The following PTPRD variants were observed in gnomAD, a reference collection of about 807,000 sequenced individuals.
PTPRD encodes protein tyrosine phosphatase receptor type D.
Under a neutral mutation model 214.5 loss-of-function variants are expected in PTPRD, and 34 were observed. The observed-to-expected ratio is 0.16, with a 90% CI of 0.12 to 0.21. The LOEUF is 0.21. Among genes scored for constraint, PTPRD ranks in the 10% least tolerant of loss-of-function variants. PTPRD has a pLI of 1.00. For synonymous variants in PTPRD, 1,128 were observed against 845.7 expected, an observed-to-expected ratio of 1.33 and a Z score of -5.79; for missense variants, 2,545 against 2,398.7, an observed-to-expected ratio of 1.06 and a Z score of -1.27.
At chr9:9,209,766 T>TG (rs2099947323) in intron 9 of PTPRD, among the ~76,000 whole-genome samples, 1 of 152,214 alleles carries the variant, frequency 6.6e-6, no homozygotes, top group Non-Finnish European at 1.5e-5. Flanking sequence ...ATAGAAAATA[T>TG]TTAAAAATAT....
chr9:9,522,409 A>G (rs1306352492), intron 8 of PTPRD, among the ~76,000 whole-genome samples: 3 of 152,162 alleles, frequency 2.0e-5, no homozygotes, highest in East Asian at 3.9e-4. Flanking sequence ...CATAATGAAA[A>G]CATAACCCAT....
At chr9:10,084,713 G>A (rs538383205) in intron 3 of PTPRD, among the ~76,000 whole-genome samples, 1 of 151,972 alleles carries the variant, frequency 6.6e-6, no homozygotes, top group South Asian at 2.1e-4. Context: ...ACTCTGCCTT[G>A]TGGTGTGAAA....
intron 8 of PTPRD, among the ~76,000 whole-genome samples, chr9:9,472,292 T>C (rs2094660867): frequency 6.7e-6 from 1 of 150,260 alleles, no homozygotes; most frequent in Non-Finnish European, 1.5e-5. Context: ...CAAGCTCCGC[T>C]TCCCGGGTTC....
chr9:8,564,363 C>T (rs960483482), intron 14 of PTPRD, among the ~76,000 whole-genome samples: 2 of 152,068 alleles, frequency 1.3e-5, no homozygotes, highest in Non-Finnish European at 2.9e-5. Flanking sequence ...TATACATACA[C>T]ACATACTATC....
intron 9 of PTPRD, among the ~76,000 whole-genome samples, chr9:9,219,601 T>C (rs773714564): frequency 7.2e-5 from 11 of 152,286 alleles, no homozygotes; most frequent in South Asian, 4.1e-4. Context: ...CCTGTTTACA[T>C]TGAAACACAC....
intron 3 of PTPRD, among the ~76,000 whole-genome samples, chr9:10,264,575 G>C (rs559667776): frequency 6.6e-6 from 1 of 152,264 alleles, no homozygotes; most frequent in East Asian, 1.9e-4. Flanking sequence ...CCCAATGCCT[G>C]TACCCCCATT....
intron 11 of PTPRD, among the ~76,000 whole-genome samples, chr9:9,005,213 C>T (rs1394393894): frequency 1.3e-5 from 2 of 151,990 alleles, no homozygotes; most frequent in Admixed American, 1.3e-4. Context: ...AACTTTCTAT[C>T]TGATCAGTTC....
At chr9:10,045,698 TA>T (rs2097375536) in intron 3 of PTPRD, among the ~76,000 whole-genome samples, 1 of 151,742 alleles carries the variant, frequency 6.6e-6, no homozygotes, top group South Asian at 2.1e-4. Flanking sequence ...TTTAAATATA[TA>T]GCTTATTTGA....
Position 8,911,874 on chromosome 9 carries a change from A to G in PTPRD, c.-104+106823T>C, listed in dbSNP as rs143230444. Among the ~76,000 whole-genome samples, 56 of 152,290 alleles carry G rather than the reference A, an allele frequency of 3.7e-4. No homozygotes were observed. In the East Asian group the frequency reaches 0.01, roughly 28 times the overall value. The stretch of plus-strand genomic sequence containing the variant: ...AAAAGGCTTGAACAGACATTTTATC[A>G]AAGAAGATATATGAATGATTAATAA... On this transcript the variant is annotated intron_variant, in intron 11 of 45. Coordinates refer to ENST00000381196, the MANE Select transcript of PTPRD (RefSeq NM_002839.4).
chr9:10,386,944 C>A (rs1420885752), intron 2 of PTPRD, among the ~76,000 whole-genome samples: 1 of 151,762 alleles, frequency 6.6e-6, no homozygotes, highest in Non-Finnish European at 1.5e-5. Context: ...AAGAGGGAGG[C>A]AGGAGAGTCA....
At chr9:10,535,783 T>C (rs1226336422) in intron 2 of PTPRD, among the ~76,000 whole-genome samples, 1 of 152,116 alleles carries the variant, frequency 6.6e-6, no homozygotes, top group African/African-American at 2.4e-5. Context: ...AAAATTGATA[T>C]CTAGCCTTGT....
At chr9:8,700,050 T>C (rs992754027) in intron 12 of PTPRD, among the ~76,000 whole-genome samples, 6 of 152,182 alleles carry the variant, frequency 3.9e-5, no homozygotes, top group Non-Finnish European at 7.4e-5. Context: ...TTCTGAACAG[T>C]GGTACAACTG....
At chr9:8,862,503 C>T (rs924963793) in intron 11 of PTPRD, among the ~76,000 whole-genome samples, 1 of 152,156 alleles carries the variant, frequency 6.6e-6, no homozygotes, top group Non-Finnish European at 1.5e-5. Context: ...GCTTAGGTGT[C>T]ATTACTCCCA....
At chr9:9,096,636 GAACA>G (rs1278091458) in intron 10 of PTPRD, among the ~76,000 whole-genome samples, 6 of 152,202 alleles carry the variant, frequency 3.9e-5, no homozygotes, top group Middle Eastern at 3.4e-3. Context: ...TATCAGAATA[GAACA>G]AATAATACTC....
At chr9:9,272,772 C>G (rs1024926588) in intron 9 of PTPRD, among the ~76,000 whole-genome samples, 3 of 151,188 alleles carry the variant, frequency 2.0e-5, no homozygotes, top group African/African-American at 7.3e-5. Flanking sequence ...CTTTCATGTC[C>G]TAAAACCAGG....
intron 10 of PTPRD, among the ~76,000 whole-genome samples, chr9:9,153,910 G>A (rs1264584439): frequency 6.6e-6 from 1 of 152,144 alleles, no homozygotes; most frequent in Non-Finnish European, 1.5e-5. Flanking sequence ...TAGTGAGGCA[G>A]ATGGTGTTAT....
chr9:9,729,262 G>C (rs1361015523), intron 7 of PTPRD, among the ~76,000 whole-genome samples: 1 of 152,112 alleles, frequency 6.6e-6, no homozygotes, highest in Admixed American at 6.6e-5. Flanking sequence ...TCCTCCATCA[G>C]GTGACTCAGG....
At chr9:8,432,490 C>A (rs919262128) in intron 35 of PTPRD, among the ~76,000 whole-genome samples, 3 of 152,132 alleles carry the variant, frequency 2.0e-5, no homozygotes, top group Non-Finnish European at 4.4e-5. Flanking sequence ...CGCCTTTAAC[C>A]TGTTTTAGTC....
chr9:9,913,397 A>C (rs2079773849), intron 5 of PTPRD, among the ~76,000 whole-genome samples: 1 of 152,276 alleles, frequency 6.6e-6, no homozygotes. Context: ...AAGATCAAAT[A>C]GGGAAAAAAA....
Sources: allele counts gnomAD v4.1 joint callset (sites outside exome capture counted in the v4.1 genomes callset), GRCh38; gene constraint gnomAD v4.1.1; transcripts MANE v1.5; gene names NCBI Gene and HGNC (gene_info 2026-07-23, HGNC 2026-07-21).